SYT7: variants seen among roughly 807,000 people sequenced by gnomAD.
SYT7 encodes synaptotagmin-7.
SYT7 carries 29 observed loss-of-function variants against 75.1 expected under a neutral mutation model. That is an observed-to-expected ratio of 0.39 (90% CI 0.29 to 0.53). SYT7 has a LOEUF of 0.53. Among genes scored for constraint, SYT7 ranks in the 20% least tolerant of loss-of-function variants. The probability of loss-of-function intolerance (pLI) is 0.77; values close to 1 mark genes in which losing one functional copy is unlikely to be tolerated. For synonymous variants in SYT7, 376 were observed against 401.7 expected (o/e 0.94, Z 0.76); for missense variants, 693 against 953.2 (o/e 0.73, Z 3.59).
chr11:61,541,325 G>A (rs2063035569), intron 6 of SYT7: 3 of 985,350 alleles, frequency 3.0e-6, no homozygotes, highest in Non-Finnish European at 3.6e-6. Flanking sequence ...TTAGGGCAAA[G>A]GAGGGGGGTG....
chr11:61,558,006 C>A (rs2135359519), intron 1 of SYT7, among the ~76,000 whole-genome samples: 1 of 152,372 alleles, frequency 6.6e-6, no homozygotes, highest in Non-Finnish European at 1.5e-5. Context: ...GATCTGTTTC[C>A]CAGCTCTCCC....
intron 1 of SYT7, among the ~76,000 whole-genome samples, chr11:61,556,489 C>A (rs776762252): frequency 3.3e-5 from 5 of 152,202 alleles, no homozygotes; most frequent in Non-Finnish European, 7.3e-5. Context: ...GGATCTGTGC[C>A]GGCCTCCAAA....
chr11:61,582,634 G>A (rs2064303861), upstream of SYT7, among the ~76,000 whole-genome samples: 1 of 152,172 alleles, frequency 6.6e-6, no homozygotes, highest in African/African-American at 2.4e-5. Flanking sequence ...AGATTTCCTG[G>A]GAATGAATGT....
upstream of SYT7, among the ~76,000 whole-genome samples, chr11:61,584,892 G>C (rs1277367377): frequency 6.6e-6 from 1 of 152,234 alleles, no homozygotes; most frequent in African/African-American, 2.4e-5. Flanking sequence ...ACAGAAGGGG[G>C]GCCCAAAGAG....
At chr11:61,577,011 G>A (rs1391053485) in intron 1 of SYT7, among the ~76,000 whole-genome samples, 8 of 152,150 alleles carry the variant, frequency 5.3e-5, no homozygotes, top group East Asian at 1.9e-4. Flanking sequence ...ACCTCAATCC[G>A]GCCTGCTCTA....
At position 61,533,124 on chromosome 11, in the gene SYT7, C is replaced by G; in HGVS notation, c.1065G>C (p.Arg355Ser). 6.3e-7 allele frequency: 1 copy of G among 1,592,920 alleles called. No homozygotes were observed. Among genetic ancestry groups the G allele is most frequent in the Non-Finnish European group, 8.5e-7 (1 of 1,170,274 alleles). The stretch of plus-strand genomic sequence containing the variant: ...TCACCGCCTTCCCTCCTGCAGGCAA[C>G]CTGAGGGCAGGGGAGTCCAAATGAG... ...QQNQNAQGDKRLPAGGKAVNT... is the reference protein window; with the variant it reads ...QQNQNAQGDKSLPAGGKAVNT... Residue 355 changes from arginine (R) to serine (S), a missense_variant and splice_region_variant, in exon 8 of 13, where the codon AGG becomes AGC. This residue lies in a region of SYT7 where 487 missense variants were observed against 593.2 expected (regional missense o/e 0.82). Transcript: ENST00000539008.
rs558403891 is a variant in SYT7 at position 61,546,156 on chromosome 11, G to A, written c.447C>T (p.Pro149=). 3.9e-5 allele frequency: 60 copies of A among 1,526,596 alleles called. No homozygotes were observed. Among genetic ancestry groups the A allele is most frequent in the African/African-American group, 2.5e-4 (18 of 71,724 alleles). The allele number at this position is 1,526,596 out of a possible 1,614,324, so 94.6% of individuals were successfully genotyped here. A position where few individuals can be genotyped will look rare whatever the true frequency, so the allele number is the denominator to read the frequency against. ...LGEKPAPVPP[P]GEDALRSGGA... is the part of the protein sequence containing the mutation. ...CGCCGCTTCTCAAGGCGTCCTCTCCGGGTGGCGGCACCGGTGCCGGCTTCT... is the reference window on the plus strand; with the variant it reads ...CGCCGCTTCTCAAGGCGTCCTCTCCAGGTGGCGGCACCGGTGCCGGCTTCT... The change falls in exon 5 of 13, where the codon CCC becomes CCT. Residue 149 remains proline (P), a synonymous_variant. Transcript: ENST00000539008. This position sits in a 1 kb window ranked among gnomAD's most constrained non-coding sequence, Gnocchi z 7.6.
chr11:61,555,187 C>T (rs1383324852), intron 2 of SYT7, among the ~76,000 whole-genome samples: 1 of 152,232 alleles, frequency 6.6e-6, no homozygotes, highest in African/African-American at 2.4e-5. Context: ...GAGGTGGTGC[C>T]CTGCTCCCAC....
Position 61,547,163 on chromosome 11 carries a change from G to T in SYT7, c.347+14C>A, listed in dbSNP as rs1326437816. On this transcript the variant is annotated intron_variant, in intron 4 of 12. Transcript: ENST00000539008. ...TACTCGGTACATATGATCAAACCAG[G>T]TAAAGTCACTCACTTGAGGGACAGT... The T allele has an allele frequency of 4.6e-6, 7 of 1,534,858 alleles. No individual in the cohort carries two copies. The African/African-American group carries it at 8.2e-5, about 18-fold the overall frequency.
At chr11:61,536,594 C>T (rs1316333298) in intron 7 of SYT7, among the ~76,000 whole-genome samples, 1 of 152,214 alleles carries the variant, frequency 6.6e-6, no homozygotes, top group Non-Finnish European at 1.5e-5. Flanking sequence ...GACTCCGCTC[C>T]TCCAGTACCC....
rs577960938 is a variant in SYT7 at position 61,527,745 on chromosome 11, A to G, written c.1471+170T>C. Among the ~76,000 whole-genome samples the G allele has an allele frequency of 8.6e-4, 131 of 151,854 alleles. 1 individual carries two copies. The highest frequency in any genetic ancestry group is 3.4e-3 in the Middle Eastern group (1 of 294). ...TGTGTGGATCTGTGCCTGTGCACAC[A>G]TGCAGGTGTGCACATAAGTGTATCT... On this transcript the variant is annotated intron_variant, in intron 9 of 12. Transcript: ENST00000539008.
At chr11:61,537,746 C>T (rs1161532261) in intron 7 of SYT7, among the ~76,000 whole-genome samples, 2 of 151,218 alleles carry the variant, frequency 1.3e-5, no homozygotes, top group African/African-American at 4.8e-5. Flanking sequence ...GGCTGGCGCC[C>T]CTTCCCTTAC....
chr11:61,577,522 C>G (rs777601556), intron 1 of SYT7, among the ~76,000 whole-genome samples: 2 of 152,232 alleles, frequency 1.3e-5, no homozygotes, highest in Non-Finnish European at 2.9e-5. Context: ...AGCCACACCC[C>G]TAACTTCTGC....
intron 3 of SYT7, 137 bp from the exon 4 acceptor site, chr11:61,547,445 C>T (rs993351076): frequency 3.0e-6 from 3 of 1,006,224 alleles, no homozygotes; most frequent in African/African-American, 1.6e-5. Context: ...TCAGCTCCTG[C>T]GGGAGGAAGA....
At chr11:61,583,531 G>A (rs2064325648), upstream of SYT7, among the ~76,000 whole-genome samples, 1 of 152,190 alleles carries the variant, frequency 6.6e-6, no homozygotes, top group Admixed American at 6.5e-5. Flanking sequence ...AGGCCCCGGA[G>A]CCAGCACCCT....
At position 61,542,651 on chromosome 11, in the gene SYT7, G is replaced by A. The variant is rs2063077446; in HGVS notation, c.573-72C>T. On this transcript the variant is annotated intron_variant, in intron 5 of 12. Transcript: ENST00000539008. The surrounding 1 kb of genome is among the most constrained non-coding windows in gnomAD (Gnocchi z 7.8). ...GATCACAGTGGAAGAGAAAGAAGCC[G>A]AGGGCCAGGACTAGGAGGCCCCAGT... 9.8e-6 allele frequency: 14 copies of A among 1,426,206 alleles called. No individual in the cohort carries two copies. Among genetic ancestry groups the A allele is most frequent in the South Asian group, 4.5e-5 (3 of 67,330 alleles). The allele number at this position is 1,426,206 out of a possible 1,614,324, so 88.3% of individuals were successfully genotyped here.
chr11:61,562,050 A>G (rs914408191), intron 1 of SYT7, among the ~76,000 whole-genome samples: 11 of 125,812 alleles, frequency 8.7e-5, no homozygotes, highest in African/African-American at 2.6e-4. Context: ...ACACATATGC[A>G]CACACACACA....
chr11:61,549,772 C>T (rs549298953), intron 3 of SYT7, among the ~76,000 whole-genome samples: 17 of 152,320 alleles, frequency 1.1e-4, no homozygotes, highest in East Asian at 7.7e-4. Context: ...GCAGGCTGGA[C>T]GGCCGCTGCT....
At chr11:61,581,537 A>G (rs1342270753), upstream of SYT7, among the ~76,000 whole-genome samples, 3 of 152,156 alleles carry the variant, frequency 2.0e-5, no homozygotes, top group Non-Finnish European at 4.4e-5. Flanking sequence ...TCAGCTCCGG[A>G]CTCAACACCG....
Sources: allele counts gnomAD v4.1 joint callset (sites outside exome capture counted in the v4.1 genomes callset), GRCh38; gene constraint gnomAD v4.1.1; regional missense constraint gnomAD v4.1.1; non-coding constraint Gnocchi (gnomAD v3.1); transcripts MANE v1.5; gene names NCBI Gene and HGNC (gene_info 2026-07-23, HGNC 2026-07-21).